The following GPHN variants were observed in gnomAD, a reference collection of about 807,000 sequenced individuals.
GPHN encodes the protein gephyrin.
In GPHN, 17 loss-of-function variants were observed where a neutral mutation model predicts 95.5. The observed-to-expected ratio is 0.18, with a 90% CI of 0.12 to 0.27. GPHN has a LOEUF of 0.27. GPHN is among the 10% of genes least tolerant of loss of function. The pLI is 1.00. For missense variants in GPHN, 660 were observed against 978.1 expected (o/e 0.67, Z 4.34); for synonymous variants, 320 against 322.5 (o/e 0.99, Z 0.08).
chr14:67,616,480 CAAA>C, the GPHN span: 4,703 of 148,110 alleles, frequency 0.032, 225 homozygotes, highest in African/African-American at 0.11. Context: ...TCTGTAATTG[CAAA>C]AAAAAAAAAA....
intron 9 of GPHN, among the ~76,000 whole-genome samples, chr14:66,977,880 A>G (rs2070368477): frequency 6.6e-6 from 1 of 152,228 alleles, no homozygotes; most frequent in Non-Finnish European, 1.5e-5. Context: ...GCCAAACTTA[A>G]TAAAGCCAAC....
chr14:67,680,277 GA>G, the GPHN span, among the ~76,000 whole-genome samples: 1 of 152,186 alleles, frequency 6.6e-6, no homozygotes, highest in African/African-American at 2.4e-5. Context: ...ATTTCCTAGT[GA>G]AAAGATCATC....
At chr14:67,281,875 A>G in the GPHN span, among the ~76,000 whole-genome samples, 281 of 151,804 alleles carry the variant, frequency 1.9e-3, 16 homozygotes, top group South Asian at 0.058. Context: ...TTACAAATTC[A>G]GATTAAAGGA....
intron 1 of GPHN, among the ~76,000 whole-genome samples, chr14:66,553,293 A>G (rs1471248374): frequency 6.6e-6 from 1 of 152,078 alleles, no homozygotes; most frequent in Non-Finnish European, 1.5e-5. Context: ...ACCTGGCCCT[A>G]AACTTCTTAA....
At chr14:66,517,876 T>A (rs1316952052) in intron 1 of GPHN, among the ~76,000 whole-genome samples, 3 of 151,888 alleles carry the variant, frequency 2.0e-5, no homozygotes, top group African/African-American at 7.3e-5. Flanking sequence ...AGGACATTGG[T>A]CTGGGAAAAA....
the GPHN span, among the ~76,000 whole-genome samples, chr14:67,598,517 G>A: frequency 1.4e-5 from 2 of 146,828 alleles, no homozygotes; most frequent in South Asian, 2.2e-4. Flanking sequence ...TCGTTCTAGG[G>A]CTAAAGTAAG....
chr14:66,531,468 C>T (rs1474811223), intron 1 of GPHN, among the ~76,000 whole-genome samples: 5 of 152,126 alleles, frequency 3.3e-5, no homozygotes, highest in Non-Finnish European at 7.4e-5. Flanking sequence ...GTCAATTATG[C>T]ATCACAATGA....
At position 66,541,158 on chromosome 14, in the gene GPHN, G is replaced by A. The variant is rs1481349772; in HGVS notation, c.64+32567G>A. Among the ~76,000 whole-genome samples, 3 of 152,144 alleles carry A rather than the reference G, an allele frequency of 2.0e-5. No individual in the cohort carries two copies. In the East Asian group the frequency reaches 5.8e-4, roughly 29 times the overall value. ...ATACAGGGTTTCTCCATGTTGGTCA[G>A]GCTGGTCTTGAATTCCTGGCTTCAA... On this transcript the variant is annotated intron_variant, in intron 1 of 22. Transcript: ENST00000478722.
chr14:66,958,614 G>A (rs2068689969), intron 8 of GPHN, among the ~76,000 whole-genome samples: 2 of 152,134 alleles, frequency 1.3e-5, no homozygotes, highest in African/African-American at 4.8e-5. Context: ...AATACTGTAA[G>A]CAACTGTAAC....
rs571386436 is a variant in GPHN at position 67,016,172 on chromosome 14, T to A, written c.964-7461T>A. ...TTGGAAATTATCTGGCTCAGAGACTTTTAACCTTTTTTCTGCCATGGACCC... is the reference window on the plus strand; with the variant it reads ...TTGGAAATTATCTGGCTCAGAGACTATTAACCTTTTTTCTGCCATGGACCC... On this transcript the variant is annotated intron_variant, in intron 9 of 22. Coordinates refer to ENST00000478722, the MANE Select transcript of GPHN (RefSeq NM_020806.5). 7.9e-5 allele frequency among the ~76,000 whole-genome samples: 12 copies of A among 152,236 alleles called. No individual in the cohort carries two copies. The East Asian group carries it at 2.1e-3, about 27-fold the overall frequency.
At chr14:67,707,276 A>G in the GPHN span, among the ~76,000 whole-genome samples, 3 of 152,236 alleles carry the variant, frequency 2.0e-5, no homozygotes, top group African/African-American at 7.2e-5. Context: ...ATTGCAAAAC[A>G]TTAGGCAAGA....
chr14:66,526,034 A>G (rs1025440617), intron 1 of GPHN, among the ~76,000 whole-genome samples: 1 of 151,874 alleles, frequency 6.6e-6, no homozygotes, highest in African/African-American at 2.4e-5. Context: ...AAGAAAGTCA[A>G]TGGTAGCTTG....
intron 1 of GPHN, among the ~76,000 whole-genome samples, chr14:66,535,611 A>C (rs1029880395): frequency 6.6e-6 from 1 of 152,114 alleles, no homozygotes; most frequent in African/African-American, 2.4e-5. Flanking sequence ...TTATCTATCC[A>C]TTTACTTGGG....
chr14:67,439,824 T>C, the GPHN span, among the ~76,000 whole-genome samples: 1 of 152,028 alleles, frequency 6.6e-6, no homozygotes, highest in African/African-American at 2.4e-5. Flanking sequence ...TCTCTTCTCT[T>C]CTCTCTTTTC....
chr14:66,521,544 A>C (rs1287744197), intron 1 of GPHN, among the ~76,000 whole-genome samples: 2 of 152,198 alleles, frequency 1.3e-5, no homozygotes, highest in African/African-American at 4.8e-5. Context: ...CCGGGAAGTC[A>C]AAGATCAAGG....
intron 8 of GPHN, among the ~76,000 whole-genome samples, chr14:66,943,171 T>G (rs751987125): frequency 3.3e-5 from 5 of 152,256 alleles, no homozygotes; most frequent in Admixed American, 6.5e-5. Context: ...TTATTTTATC[T>G]AATTCAAAAC....
intron 1 of GPHN, among the ~76,000 whole-genome samples, chr14:66,612,873 C>T (rs530292010): frequency 6.6e-6 from 1 of 152,086 alleles, no homozygotes; most frequent in Non-Finnish European, 1.5e-5. Context: ...TTGCTTGGAA[C>T]AATAGTCCAT....
chr14:66,993,098 A>G (rs2071542085), intron 9 of GPHN, among the ~76,000 whole-genome samples: 1 of 152,298 alleles, frequency 6.6e-6, no homozygotes, highest in Non-Finnish European at 1.5e-5. Flanking sequence ...TGAGAAAAGA[A>G]GCCTGCTCAT....
At chr14:66,631,266 C>T (rs997917467) in intron 1 of GPHN, among the ~76,000 whole-genome samples, 1 of 151,988 alleles carries the variant, frequency 6.6e-6, no homozygotes, top group Non-Finnish European at 1.5e-5. Flanking sequence ...TCGGGCTGGT[C>T]TTGAACTCCT....
Sources: allele counts gnomAD v4.1 joint callset (sites outside exome capture counted in the v4.1 genomes callset), GRCh38; gene constraint gnomAD v4.1.1; transcripts MANE v1.5; gene names NCBI Gene and HGNC (gene_info 2026-07-23, HGNC 2026-07-21).